Variants in DGLUCY observed in about 807,000 individuals in gnomAD.
DGLUCY encodes the protein D-glutamate cyclase.
A neutral mutation model predicts 58.5 loss-of-function variants in DGLUCY; 58 were observed. The ratio of observed to expected loss-of-function variants is 0.99; its 90% CI spans 0.80 to 1.23. DGLUCY has a LOEUF of 1.23. DGLUCY is among the 50% of genes most tolerant of loss of function. The pLI, the probability that DGLUCY is intolerant of heterozygous loss-of-function variation, is 0.00. For missense variants in DGLUCY, 779 were observed against 784.7 expected (o/e 0.99, Z 0.09); for synonymous variants, 325 against 314.1 (o/e 1.03, Z -0.37).
At chr14:91,217,616 C>T (rs1886778240) in intron 13 of DGLUCY, among the ~76,000 whole-genome samples, 2 of 151,912 alleles carry the variant, frequency 1.3e-5, no homozygotes, top group African/African-American at 4.8e-5. Flanking sequence ...TCTCGAGTAG[C>T]TGGGATTACA....
chr14:91,194,590 G>C (rs1364043308), intron 9 of DGLUCY, among the ~76,000 whole-genome samples: 1 of 151,562 alleles, frequency 6.6e-6, no homozygotes, highest in Non-Finnish European at 1.5e-5. Flanking sequence ...TGCCAGGCTG[G>C]AGTGCAGTGG....
At chr14:91,079,554 A>G (rs1438394332) in intron 1 of DGLUCY, among the ~76,000 whole-genome samples, 2 of 152,106 alleles carry the variant, frequency 1.3e-5, no homozygotes, top group Non-Finnish European at 2.9e-5. Context: ...GGGTTTCGCC[A>G]TATGGGCCGG....
At chr14:91,218,404 ATT>A (rs35615811) in intron 13 of DGLUCY, among the ~76,000 whole-genome samples, 102 of 145,988 alleles carry the variant, frequency 7.0e-4, no homozygotes, top group East Asian at 4.3e-3. Flanking sequence ...TAAAATGGGG[ATT>A]TTTTTTTTTT....
In DGLUCY at chr14:91,224,731, C is replaced by T. The variant is rs138685998; in HGVS notation, c.1764C>T (p.Gly588=). The T allele has an allele frequency of 6.9e-5, 111 of 1,613,298 alleles. No homozygotes were observed. The highest frequency in any genetic ancestry group is 8.0e-5 in the African/African-American group (6 of 75,006). ...TGGTGCAGCACAAAGTCCGGAGTGG[C>T]GTCTCGGGCATCGTGGGCATGGAGG... The part of the protein sequence containing the change: ...GILVQHKVRS[G]VSGIVGMEVD... Residue 588 remains glycine (G), a synonymous_variant, in exon 14 of 14, where the codon GGC becomes GGT. Transcript: ENST00000256324.
intron 1 of DGLUCY, among the ~76,000 whole-genome samples, chr14:91,150,645 C>T (rs186255756): frequency 3.3e-5 from 5 of 152,014 alleles, no homozygotes; most frequent in Non-Finnish European, 7.4e-5. Flanking sequence ...ATGGGGGTCT[C>T]GCACTCCTGG....
At chr14:91,117,793 G>A (rs1340046649) in intron 1 of DGLUCY, among the ~76,000 whole-genome samples, 15 of 152,102 alleles carry the variant, frequency 9.9e-5, no homozygotes, top group Admixed American at 9.8e-4. Flanking sequence ...TTGGTTTTAT[G>A]CAGTTTAGGA....
At chr14:91,141,298 G>A (rs1173803172) in intron 1 of DGLUCY, among the ~76,000 whole-genome samples, 4 of 151,350 alleles carry the variant, frequency 2.6e-5, no homozygotes, top group Non-Finnish European at 4.4e-5. Flanking sequence ...GGTTGAACCT[G>A]GGAGGCAGAG....
At chr14:91,158,617 G>A (rs1462696997) in intron 2 of DGLUCY, among the ~76,000 whole-genome samples, 1 of 152,108 alleles carries the variant, frequency 6.6e-6, no homozygotes, top group Admixed American at 6.6e-5. Context: ...AGTCAGGCTT[G>A]TCCAGAACCC....
chr14:91,182,390 A>G (rs2049235016), intron 8 of DGLUCY, among the ~76,000 whole-genome samples: 1 of 152,190 alleles, frequency 6.6e-6, no homozygotes, highest in Admixed American at 6.5e-5. Flanking sequence ...GTTAGGTAGT[A>G]AGAAAAAAAG....
chr14:91,167,531 C>A, intron 4 of DGLUCY, 153 bp downstream of exon 4: 1 of 985,318 alleles, frequency 1.0e-6, no homozygotes, highest in Non-Finnish European at 1.6e-6. Flanking sequence ...CAGGAACGAG[C>A]TGCCCTCCCC....
intron 1 of DGLUCY, among the ~76,000 whole-genome samples, chr14:91,127,467 C>T (rs951385349): frequency 3.9e-5 from 6 of 152,280 alleles, no homozygotes; most frequent in African/African-American, 1.4e-4. Context: ...CTCTACACCC[C>T]GTTCTCCCTG....
intron 1 of DGLUCY, among the ~76,000 whole-genome samples, chr14:91,141,575 C>T (rs1457557656): frequency 2.6e-5 from 3 of 117,374 alleles, no homozygotes; most frequent in Admixed American, 1.0e-4. Flanking sequence ...TTTTTTGAAG[C>T]GGAGTCTCAC....
At chr14:91,142,141 C>A (rs995779975) in intron 1 of DGLUCY, among the ~76,000 whole-genome samples, 2 of 152,150 alleles carry the variant, frequency 1.3e-5, no homozygotes, top group East Asian at 3.8e-4. Context: ...CCATCGTGCC[C>A]GGCCAGAGAG....
intron 1 of DGLUCY, among the ~76,000 whole-genome samples, chr14:91,150,504 C>CA (rs1393401983): frequency 6.6e-6 from 1 of 151,990 alleles, no homozygotes; most frequent in Admixed American, 6.6e-5. Context: ...TGCAGTGGTG[C>CA]AATCGTGGCT....
At position 91,196,406 on chromosome 14, in the gene DGLUCY, T is replaced by C. The variant is rs1227036310; in HGVS notation, c.1227T>C (p.Thr409=). ...TGAAGACGCAGATCCCGATATTAACTTACCAAGGTGGATCAGTGGAAGCTG... is the reference window on the plus strand; with the variant it reads ...TGAAGACGCAGATCCCGATATTAACCTACCAAGGTGGATCAGTGGAAGCTG... The part of the protein sequence containing the change: ...GVLKTQIPIL[T]YQGGSVEAAQ... Residue 409 remains threonine, a synonymous_variant, in exon 10 of 14, where the codon ACT becomes ACC. Coordinates refer to ENST00000256324, the MANE Select transcript of DGLUCY (RefSeq NM_001102368.3). The C allele has an allele frequency of 6.2e-7, 1 of 1,614,112 alleles. No homozygotes were observed. Among genetic ancestry groups the C allele is most frequent in the Non-Finnish European group, 8.5e-7 (1 of 1,180,028 alleles).
intron 8 of DGLUCY, among the ~76,000 whole-genome samples, chr14:91,184,354 GC>G (rs1244436993): frequency 6.6e-6 from 1 of 151,490 alleles, no homozygotes. Context: ...GACCAGCCTG[GC>G]CAATGTAGAG....
chr14:91,199,536 A>T (rs1177807592), intron 10 of DGLUCY, among the ~76,000 whole-genome samples: 2 of 152,110 alleles, frequency 1.3e-5, no homozygotes, highest in East Asian at 3.9e-4. Flanking sequence ...TATAGGCATG[A>T]ACCACCATGC....
chr14:91,084,204 C>CTT (rs35881437), intron 1 of DGLUCY, among the ~76,000 whole-genome samples: 52 of 136,644 alleles, frequency 3.8e-4, no homozygotes, highest in African/African-American at 1.2e-3. Context: ...ATCTGTCTCT[C>CTT]TTTTTTTTTT....
At chr14:91,211,772 G>C (rs528580260) in intron 12 of DGLUCY, among the ~76,000 whole-genome samples, 1 of 152,138 alleles carries the variant, frequency 6.6e-6, no homozygotes, top group Admixed American at 6.6e-5. Flanking sequence ...ATGAGCATGA[G>C]TATGATTATG....
Sources: gnomAD v4.1 joint callset for allele counts (sites outside exome capture counted in the v4.1 genomes callset) on GRCh38, gnomAD v4.1.1 for gene constraint, MANE v1.5 for transcripts, NCBI Gene and HGNC (gene_info 2026-07-23, HGNC 2026-07-21) for gene names.